The following SMPD3 variants were observed in gnomAD, a reference collection of about 807,000 sequenced individuals.
SMPD3 encodes nSMase-2.
Under a neutral mutation model 55.7 loss-of-function variants are expected in SMPD3, and 21 were observed. The ratio of observed to expected loss-of-function variants is 0.38; its 90% CI spans 0.27 to 0.54. SMPD3 has a LOEUF of 0.54. Ranked by LOEUF, SMPD3 falls within the 20% of genes least tolerant of loss-of-function variation. SMPD3 has a pLI of 0.80. For missense variants in SMPD3, 842 were observed against 899.6 expected, an observed-to-expected ratio of 0.94 and a Z score of 0.82; for synonymous variants, 457 against 404.3, an observed-to-expected ratio of 1.13 and a Z score of -1.56.
At chr16:68,376,878 T>C (rs750801894) in intron 2 of SMPD3, among the ~76,000 whole-genome samples, 6 of 152,214 alleles carry the variant, frequency 3.9e-5, no homozygotes, top group Non-Finnish European at 8.8e-5. Flanking sequence ...AGTGCAACCC[T>C]GCACTAGTCA....
chr16:68,382,468 G>C (rs771989242), intron 2 of SMPD3, among the ~76,000 whole-genome samples: 3 of 152,252 alleles, frequency 2.0e-5, no homozygotes, highest in Non-Finnish European at 4.4e-5. Context: ...GTATTGCACG[G>C]CAAGGGCCTA....
In SMPD3 at chr16:68,371,187, T is replaced by G. The variant is rs754143260; in HGVS notation, c.995A>C (p.Lys332Thr). The change falls in exon 3 of 9, where the codon AAG becomes ACG. Residue 332 changes from lysine (K) to threonine (T), a missense_variant. Lys to Thr is a moderately conservative substitution (Grantham distance 78, BLOSUM62 -1). This residue lies in a region of SMPD3 where 649 missense variants were observed against 643.6 expected (regional missense o/e 1.01). Transcript: ENST00000219334. ...KLLYKASVVK[K>T]AAARRRRHPD... ...GTGCCGCCTCCTGCGTGCAGCCGCC[T>G]TCTTCACCACCGAGGCCTTGTACAG... The G allele has an allele frequency of 3.7e-6, 6 of 1,612,526 alleles. No homozygotes were observed. The highest frequency in any genetic ancestry group is 1.6e-4 in the Middle Eastern group (1 of 6,082).
intron 2 of SMPD3, among the ~76,000 whole-genome samples, chr16:68,379,411 C>A (rs951183132): frequency 6.6e-6 from 1 of 152,234 alleles, no homozygotes; most frequent in African/African-American, 2.4e-5. Context: ...AGATGGTGCA[C>A]GTGCAGCACC....
chr16:68,383,170 C>T (rs1373121476), intron 2 of SMPD3, among the ~76,000 whole-genome samples: 1 of 152,148 alleles, frequency 6.6e-6, no homozygotes, highest in Non-Finnish European at 1.5e-5. Context: ...TTAGCCTGTC[C>T]GGATAGCATC....
At chr16:68,396,050 T>C (rs576652635) in intron 1 of SMPD3, among the ~76,000 whole-genome samples, 4 of 152,120 alleles carry the variant, frequency 2.6e-5, no homozygotes, top group Non-Finnish European at 5.9e-5. Flanking sequence ...ACTCTGTCCT[T>C]GGCCCCTCCC....
At chr16:68,402,262 C>A (rs1390640520) in intron 1 of SMPD3, among the ~76,000 whole-genome samples, 6 of 152,142 alleles carry the variant, frequency 3.9e-5, no homozygotes, top group Admixed American at 3.9e-4. Context: ...CATTTCTCTC[C>A]TCTATAAAAT....
chr16:68,369,426 A>G (rs2089586322), intron 3 of SMPD3: 1 of 122,420 alleles, frequency 8.2e-6, no homozygotes, highest in African/African-American at 3.1e-5. Context: ...GGATGTGTGG[A>G]TTGATCTGTG....
intron 2 of SMPD3, among the ~76,000 whole-genome samples, chr16:68,382,788 T>A (rs552307708): frequency 1.2e-4 from 18 of 152,154 alleles, no homozygotes; most frequent in Non-Finnish European, 1.8e-4. Flanking sequence ...GAGGGGAGGA[T>A]CCCCTGCATT....
intron 1 of SMPD3, among the ~76,000 whole-genome samples, chr16:68,444,934 C>T (rs1415202327): frequency 6.6e-6 from 1 of 152,226 alleles, no homozygotes; most frequent in Non-Finnish European, 1.5e-5. Flanking sequence ...AAAGTAAGAA[C>T]AATACCAGGT....
rs567536654 is a variant in SMPD3, at chr16:68,381,843, T to G, written c.-207+4755A>C. 9.8e-5 allele frequency among the ~76,000 whole-genome samples: 15 copies of G among 152,302 alleles called. No individual in the cohort carries two copies. In the East Asian group the frequency reaches 2.7e-3, roughly 27 times the overall value. ...TGATTGGCTGTGTAATTAGTCCACTTACTTGATGCTGAAAACAAGCCTCAT... is the reference window on the plus strand; with the variant it reads ...TGATTGGCTGTGTAATTAGTCCACTGACTTGATGCTGAAAACAAGCCTCAT... On this transcript the variant is annotated intron_variant, in intron 2 of 8. Transcript: ENST00000219334.
intron 1 of SMPD3, among the ~76,000 whole-genome samples, chr16:68,423,955 G>A (rs183250960): frequency 4.1e-4 from 63 of 152,112 alleles, no homozygotes; most frequent in Non-Finnish European, 5.7e-4. Flanking sequence ...CCTCAGTGGC[G>A]GTGAACAGTC....
At chr16:68,364,582 T>G (rs765366100) in intron 5 of SMPD3, 169 bp downstream of exon 5, 2 of 758,050 alleles carry the variant, frequency 2.6e-6, no homozygotes, top group Non-Finnish European at 4.1e-6. Flanking sequence ...GGGCTCTTCC[T>G]GTTCTAGGAT....
chr16:68,443,919 A>G (rs1219332299), intron 1 of SMPD3, among the ~76,000 whole-genome samples: 1 of 152,198 alleles, frequency 6.6e-6, no homozygotes, highest in Non-Finnish European at 1.5e-5. Flanking sequence ...AACCTTGGGA[A>G]AGCCCTCAAA....
At chr16:68,427,293 TG>T (rs1206999306) in intron 1 of SMPD3, among the ~76,000 whole-genome samples, 1 of 152,220 alleles carries the variant, frequency 6.6e-6, no homozygotes, top group Non-Finnish European at 1.5e-5. Context: ...TGAGCCACCA[TG>T]CCCAGCCTTA....
chr16:68,363,871 G>A lies in SMPD3; in HGVS notation c.1556-5C>T. The A allele has an allele frequency of 1.9e-6, 3 of 1,557,856 alleles. No homozygotes were observed. Among genetic ancestry groups the A allele is most frequent in the Admixed American group, 1.9e-5 (1 of 51,860 alleles). On this transcript the variant is annotated splice_polypyrimidine_tract_variant and splice_region_variant and intron_variant, in intron 5 of 8. Coordinates refer to ENST00000219334, the MANE Select transcript of SMPD3 (RefSeq NM_018667.4). ...GTTGCTGCTCCAGCTTGTCGTCTGT[G>A]CGGGGAGGGAGGAAACGCTGAGGCA... is the stretch of plus-strand genomic sequence containing the variant.
Position 68,365,005 on chromosome 16 carries a change from CG to C in SMPD3, c.1399+11del. 6.2e-7 allele frequency: 1 copy of C among 1,614,036 alleles called. No individual in the cohort carries two copies. Among genetic ancestry groups the C allele is most frequent in the East Asian group, 2.2e-5 (1 of 44,878 alleles). ...CATGCCTAGAAAAAACACAGGTGGG[CG>C]GCAACCCTACCTTGCGGGGCATGCA... On this transcript the variant is annotated intron_variant, in intron 4 of 8. Transcript: ENST00000219334.
intron 1 of SMPD3, among the ~76,000 whole-genome samples, chr16:68,437,647 C>G (rs2090533408): frequency 2.0e-5 from 3 of 152,128 alleles, no homozygotes; most frequent in Admixed American, 6.6e-5. Flanking sequence ...ACTCTTTACT[C>G]ATCAAGAGAC....
intron 2 of SMPD3, among the ~76,000 whole-genome samples, chr16:68,385,508 C>T (rs12929180): frequency 3.6e-3 from 542 of 152,246 alleles, no homozygotes; most frequent in Middle Eastern, 0.014. Context: ...CGATCTTCTT[C>T]CTCCCTCCCT....
chr16:68,361,861 G>A (rs1396569600), intron 7 of SMPD3, 102 bp from the exon 8 acceptor site: 1 of 1,219,482 alleles, frequency 8.2e-7, no homozygotes, highest in Non-Finnish European at 1.1e-6. Context: ...GTGGGAGCGG[G>A]TGGGTGGGAC....
Sources: allele counts gnomAD v4.1 joint callset (sites outside exome capture counted in the v4.1 genomes callset), GRCh38; gene constraint gnomAD v4.1.1; regional missense constraint gnomAD v4.1.1; transcripts MANE v1.5; gene names NCBI Gene and HGNC (gene_info 2026-07-23, HGNC 2026-07-21).